Variants in FEZ2 observed in about 807,000 individuals in gnomAD.
FEZ2 encodes fasciculation and elongation protein zeta 2, also known as fasciculation and elongation protein zeta-2.
FEZ2 carries 51 observed loss-of-function variants against 40.4 expected under a neutral mutation model. That is an observed-to-expected ratio of 1.26 (90% CI 1.01 to 1.59). The LOEUF (loss-of-function observed/expected upper bound fraction) is 1.59. FEZ2 is among the 40% of genes most tolerant of loss of function. The probability of loss-of-function intolerance (pLI) is 0.00; values close to 1 mark genes in which losing one functional copy is unlikely to be tolerated. For synonymous variants in FEZ2, 242 were observed against 172.0 expected (o/e 1.41, Z -3.18); for missense variants, 640 against 438.3 (o/e 1.46, Z -4.11).
At chr2:36,596,853 A>G (rs1265514781) in intron 1 of FEZ2, among the ~76,000 whole-genome samples, 1 of 151,966 alleles carries the variant, frequency 6.6e-6, no homozygotes, top group Non-Finnish European at 1.5e-5. Context: ...TACTCTCACC[A>G]TTCCTATTTA....
chr2:36,555,909 G>T (rs1283149188), intron 6 of FEZ2, 161 bp from the exon 7 acceptor site: 3 of 676,102 alleles, frequency 4.4e-6, no homozygotes, highest in African/African-American at 3.6e-5. Flanking sequence ...CAACAATAAA[G>T]GCCCAATAAT....
At chr2:36,567,199 A>G (rs1480012890) in intron 5 of FEZ2, among the ~76,000 whole-genome samples, 1 of 152,038 alleles carries the variant, frequency 6.6e-6, no homozygotes, top group African/African-American at 2.4e-5. Context: ...ACCAGAACCC[A>G]AGAGCCTTAG....
intron 5 of FEZ2, among the ~76,000 whole-genome samples, chr2:36,566,875 A>G (rs186189770): frequency 7.3e-4 from 111 of 152,286 alleles, no homozygotes; most frequent in African/African-American, 2.6e-3. Flanking sequence ...TGTAAATCCT[A>G]CGAGTCTATG....
intron 2 of FEZ2, among the ~76,000 whole-genome samples, chr2:36,584,963 C>G (rs892393173): frequency 7.2e-5 from 11 of 152,320 alleles, no homozygotes; most frequent in Admixed American, 5.9e-4. Context: ...CTCCAGGCTC[C>G]TGCGCAGTGA....
intron 2 of FEZ2, among the ~76,000 whole-genome samples, chr2:36,586,941 C>T (rs1481819930): frequency 1.3e-5 from 2 of 152,178 alleles, no homozygotes; most frequent in African/African-American, 4.8e-5. Flanking sequence ...GGGAGACACT[C>T]TCTCAATCTA....
chr2:36,571,370 G>A (rs1166515663), intron 5 of FEZ2, among the ~76,000 whole-genome samples: 2 of 152,168 alleles, frequency 1.3e-5, no homozygotes, highest in African/African-American at 4.8e-5. Context: ...ATTCAAGAAT[G>A]CGTATCAGAG....
Position 36,598,025 on chromosome 2 carries a change from C to G in FEZ2, c.118G>C (p.Ala40Pro), listed in dbSNP as rs1172153071. ...GGGAAACCGTCGGCGCCCCCACCCGCCTCGGCCCCCGCCTCCGCCCCAGGC... is the reference window on the plus strand; with the variant it reads ...GGGAAACCGTCGGCGCCCCCACCCGGCTCGGCCCCCGCCTCCGCCCCAGGC... Reference protein sequence around the residue: ...PEPGAEAGAEAGGGADGFPAP... With the variant: ...PEPGAEAGAEPGGGADGFPAP... Residue 40 changes from alanine (A) to proline (P), a missense_variant, in exon 1 of 8, where the codon GCG becomes CCG. Ala to Pro is a conservative substitution (Grantham distance 27). Coordinates refer to ENST00000405912, the MANE Select transcript of FEZ2 (RefSeq NM_005102.3). The G allele has an allele frequency of 6.7e-7, 1 of 1,484,684 alleles. No homozygotes were observed. The highest frequency in any genetic ancestry group is 8.9e-7 in the Non-Finnish European group (1 of 1,117,550). 92.0% of individuals were successfully genotyped at this position (1,484,684 alleles called of 1,614,324 possible). A position where few individuals can be genotyped will look rare whatever the true frequency, so the allele number is the denominator to read the frequency against.
At chr2:36,597,680 C>A (rs1234197460) in intron 1 of FEZ2, among the ~76,000 whole-genome samples, 197 bp downstream of exon 1, 1 of 152,210 alleles carries the variant, frequency 6.6e-6, no homozygotes, top group Non-Finnish European at 1.5e-5. Flanking sequence ...GTTTTCAGGG[C>A]TCGTGGCGGC....
chr2:36,581,636 A>C (rs984100710), intron 3 of FEZ2: 5 of 542,284 alleles, frequency 9.2e-6, no homozygotes, highest in South Asian at 2.5e-5. Flanking sequence ...ACAATATACT[A>C]AACACAAACC....
chr2:36,589,939 T>A (rs1219591919), intron 2 of FEZ2: 1 of 152,248 alleles, frequency 6.6e-6, no homozygotes. Context: ...ACATTATTAT[T>A]TGATAAGGAA....
chr2:36,585,917 G>A (rs1426540407), intron 2 of FEZ2, among the ~76,000 whole-genome samples: 1 of 152,174 alleles, frequency 6.6e-6, no homozygotes, highest in Non-Finnish European at 1.5e-5. Flanking sequence ...AATGGCATGA[G>A]CATGTTATCT....
intron 1 of FEZ2, among the ~76,000 whole-genome samples, chr2:36,595,550 C>G: frequency 6.6e-6 from 1 of 151,656 alleles, no homozygotes; most frequent in East Asian, 1.9e-4. Context: ...GCTTTGCTCA[C>G]TCACTCAGCC....
chr2:36,587,411 T>C (rs553842301), intron 2 of FEZ2, among the ~76,000 whole-genome samples: 5 of 152,316 alleles, frequency 3.3e-5, no homozygotes, highest in African/African-American at 1.2e-4. Flanking sequence ...CTCCTTCCAA[T>C]GCCAGGGTTA....
At chr2:36,555,623 T>C in intron 7 of FEZ2, 60 bp downstream of exon 7, 1 of 844,924 alleles carries the variant, frequency 1.2e-6, no homozygotes, top group South Asian at 1.8e-5. Flanking sequence ...AGCAAGGCGA[T>C]GTATTTACTG....
chr2:36,573,165 T>A (rs567780248), intron 5 of FEZ2, among the ~76,000 whole-genome samples: 8 of 152,296 alleles, frequency 5.3e-5, no homozygotes, highest in Admixed American at 5.2e-4. Context: ...AGACTATCGA[T>A]TCCTATCTTC....
At chr2:36,570,708 C>T (rs1390287476) in intron 5 of FEZ2, among the ~76,000 whole-genome samples, 1 of 152,178 alleles carries the variant, frequency 6.6e-6, no homozygotes, top group Non-Finnish European at 1.5e-5. Flanking sequence ...GGCTACAAAC[C>T]TATATAGCCT....
intron 6 of FEZ2, chr2:36,558,157 A>C: frequency 4.2e-6 from 1 of 235,706 alleles, no homozygotes; most frequent in Non-Finnish European, 8.2e-6. Flanking sequence ...TAAACATGTA[A>C]GAGATGATGG....
intron 3 of FEZ2, among the ~76,000 whole-genome samples, chr2:36,582,858 G>A (rs75897072): frequency 6.6e-6 from 1 of 152,186 alleles, no homozygotes; most frequent in Non-Finnish European, 1.5e-5. Flanking sequence ...AAATGAGAAA[G>A]CTGATTCGAC....
At chr2:36,593,007 AT>A (rs1211912045) in intron 1 of FEZ2, among the ~76,000 whole-genome samples, 1 of 151,994 alleles carries the variant, frequency 6.6e-6, no homozygotes, top group African/African-American at 2.4e-5. Context: ...GGACTACTAA[AT>A]TTGCTGGGTT....
Sources: allele counts gnomAD v4.1 joint callset (sites outside exome capture counted in the v4.1 genomes callset), GRCh38; gene constraint gnomAD v4.1.1; transcripts MANE v1.5; gene names NCBI Gene and HGNC (gene_info 2026-07-23, HGNC 2026-07-21).